Variants in TAOK2 observed in about 807,000 individuals in gnomAD.
TAOK2 encodes the protein serine/threonine-protein kinase TAO2.
In TAOK2, 42 loss-of-function variants were observed where a neutral mutation model predicts 122.5. The observed-to-expected ratio is 0.34, with a 90% confidence interval of 0.27 to 0.44. The LOEUF (loss-of-function observed/expected upper bound fraction) is 0.44, where lower values mean the gene tolerates loss of function less well. TAOK2 is among the 20% of genes least tolerant of loss of function. The pLI is 1.00. For synonymous variants in TAOK2, 704 were observed against 677.6 expected (o/e 1.04, Z -0.61); for missense variants, 1,264 against 1,644.9 (o/e 0.77, Z 4.01).
intron 8 of TAOK2, chr16:29,980,546 C>T (rs1460890355): frequency 6.6e-6 from 1 of 152,242 alleles, no homozygotes; most frequent in East Asian, 1.9e-4. Flanking sequence ...GCTCCACCCT[C>T]TGAGTGTGTC....
Position 29,987,168 on chromosome 16 carries a change from C to G in TAOK2, c.2896C>G (p.Leu966Val). Reference sequence around the variant, plus strand: ...TGCAGTGGGGTCCTCCTCTGGCCTCCTGCCCCTCCTGCTGCTGCTGCTGCT... The same window carrying G: ...TGCAGTGGGGTCCTCCTCTGGCCTCGTGCCCCTCCTGCTGCTGCTGCTGCT... ...SFAVGSSSGL[L>V]PLLLLLLLPL... Residue 966 changes from leucine to valine, a missense_variant, in exon 16 of 16, where the codon CTG (leucine) becomes GTG (valine). This residue lies in a region of TAOK2 where 824 missense variants were observed against 908.7 expected (regional missense o/e 0.91). Coordinates refer to ENST00000308893, the MANE Select transcript of TAOK2 (RefSeq NM_016151.4). 6.4e-7 allele frequency: 1 copy of G among 1,563,500 alleles called. No homozygotes were observed. The highest frequency in any genetic ancestry group is 8.6e-7 in the Non-Finnish European group (1 of 1,159,940).
chr16:29,989,589 A>G (rs768994158), downstream of TAOK2: 3 of 1,613,788 alleles, frequency 1.9e-6, no homozygotes, highest in Non-Finnish European at 2.5e-6. Flanking sequence ...CGTCCACTGC[A>G]TAGTCTAAGG....
chr16:29,991,177 TG>T, downstream of TAOK2: 1 of 1,611,318 alleles, frequency 6.2e-7, no homozygotes. This position sits in a 1 kb window ranked among gnomAD's most constrained non-coding sequence, Gnocchi z 5.6. Context: ...AGCATGGCTC[TG>T]GGGGGCATCC....
At chr16:29,977,320 C>G (rs779743013) in intron 1 of TAOK2, among the ~76,000 whole-genome samples, 1 of 152,104 alleles carries the variant, frequency 6.6e-6, no homozygotes, top group Non-Finnish European at 1.5e-5. Flanking sequence ...GGCCTCAGCG[C>G]CAAGGGGAAC....
chr16:29,986,576 C>T lies in TAOK2; in HGVS notation c.2304C>T (p.Gly768=), dbSNP rs762567621. The change falls in exon 16 of 16, where the codon GGC becomes GGT. Residue 768 remains glycine (G), a synonymous_variant. Coordinates refer to ENST00000308893, the MANE Select transcript of TAOK2 (RefSeq NM_016151.4). This position sits in a 1 kb window ranked among gnomAD's most constrained non-coding sequence, Gnocchi z 4.2. ...GGGCTCTGGGCCCACCCAACACAGG[C>T]ACCCCTATAGAACAGCAGCCCTGCT... ...IPGALGPPNT[G]TPIEQQPCSP... is the part of the protein sequence containing the mutation. 8.1e-6 allele frequency: 13 copies of T among 1,613,788 alleles called. No homozygotes were observed. In the African/African-American group the frequency reaches 1.5e-4, roughly 18 times the overall value.
chr16:29,987,004 T>A lies in TAOK2; in HGVS notation c.2732T>A (p.Ile911Asn), dbSNP rs909457929. The change falls in exon 16 of 16, where the codon ATT (isoleucine) becomes AAT (asparagine). Residue 911 changes from isoleucine (I) to asparagine (N), a missense_variant. By Grantham distance (149) the Ile-to-Asn change is moderately radical (BLOSUM62 -3). Transcript: ENST00000308893. ...GAAGAAGAGGAAGAGGGGGCTCCGA[T>A]TGGGACCCCTAGGGATCCTGGAGAT... ...EEEEEEEGAP[I>N]GTPRDPGDGC... 1.2e-6 allele frequency: 2 copies of A among 1,612,936 alleles called. No homozygotes were observed. Among genetic ancestry groups the A allele is most frequent in the Non-Finnish European group, 8.5e-7 (1 of 1,179,266 alleles).
chr16:29,975,043 C>T (rs1462650860), intron 1 of TAOK2, among the ~76,000 whole-genome samples: 2 of 152,140 alleles, frequency 1.3e-5, no homozygotes, highest in Non-Finnish European at 2.9e-5. Context: ...CATGGTGGGT[C>T]TGCTTATCTG....
At chr16:29,991,776 G>GGCGGGGCT, downstream of TAOK2, 1 of 520,366 alleles carries the variant, frequency 1.9e-6, no homozygotes, top group Non-Finnish European at 3.1e-6. This position sits in a 1 kb window ranked among gnomAD's most constrained non-coding sequence, Gnocchi z 5.6. Context: ...CTGCCTGGGA[G>GGCGGGGCT]CCCCGCCTCC....
intron 8 of TAOK2, chr16:29,980,481 TCCTCCCACCAAC>T (rs2069579816): frequency 1.3e-5 from 2 of 152,206 alleles, no homozygotes; most frequent in Non-Finnish European, 2.9e-5. Context: ...TCCCCATCCT[TCCTCCCACCAAC>T]CTAGAGGCTT....
At chr16:29,982,687 G>A (rs567032240) in intron 10 of TAOK2, 47 bp from the exon 11 acceptor site, 2 of 1,585,780 alleles carry the variant, frequency 1.3e-6, no homozygotes, top group Non-Finnish European at 1.7e-6. Flanking sequence ...TGTGGGTTGT[G>A]GGGGGAAGGG....
At position 29,986,898 on chromosome 16, in the gene TAOK2, G is replaced by C; in HGVS notation, c.2626G>C (p.Glu876Gln). 6.2e-7 allele frequency: 1 copy of C among 1,613,670 alleles called. No individual in the cohort carries two copies. The highest frequency in any genetic ancestry group is 8.5e-7 in the Non-Finnish European group (1 of 1,179,612). Residue 876 changes from glutamate to glutamine, a missense_variant, in exon 16 of 16, where the codon GAG becomes CAG. By Grantham distance (29) the Glu-to-Gln change is conservative. Transcript: ENST00000308893. This position sits in a 1 kb window ranked among gnomAD's most constrained non-coding sequence, Gnocchi z 4.2. ...EAGTWSLWGKEDESLLDEEFE... is the reference protein window; with the variant it reads ...EAGTWSLWGKQDESLLDEEFE... ...TGGGACATGGAGCTTGTGGGGGAAG[G>C]AGGATGAGAGTCTTCTGGATGAGGA...
chr16:29,987,348 C>G lies in TAOK2; in HGVS notation c.3076C>G (p.Leu1026Val), dbSNP rs774378915. 6.6e-5 allele frequency: 104 copies of G among 1,569,380 alleles called. No individual in the cohort carries two copies. Among genetic ancestry groups the G allele is most frequent in the Non-Finnish European group, 8.0e-5 (93 of 1,157,986 alleles). Reference protein sequence around the residue: ...LFLLLAQGTALGAVLGLSWRR... With the variant: ...LFLLLAQGTAVGAVLGLSWRR... ...CCTACTCCTGGCCCAGGGTACCGCACTGGGGGCCGTCCTGGGCCTGAGCTG... is the reference window on the plus strand; with the variant it reads ...CCTACTCCTGGCCCAGGGTACCGCAGTGGGGGCCGTCCTGGGCCTGAGCTG... The change falls in exon 16 of 16, where the codon CTG (leucine) becomes GTG (valine). Residue 1026 changes from leucine to valine, a missense_variant. Coordinates refer to ENST00000308893, the MANE Select transcript of TAOK2 (RefSeq NM_016151.4).
Position 29,985,652 on chromosome 16 carries a change from G to T in TAOK2, c.1789-6G>T. ...CCTGACCCTGCTTCCCTCTGCACTC[G>T]CCCAGGAGCTCCAGGAGAACCCCAG... On this transcript the variant is annotated splice_region_variant and splice_polypyrimidine_tract_variant and intron_variant, in intron 14 of 15. Transcript: ENST00000308893. The surrounding 1 kb of genome is among the most constrained non-coding windows in gnomAD (Gnocchi z 6.9). 2 of 1,610,844 alleles carry T rather than the reference G, an allele frequency of 1.2e-6. No homozygotes were observed. Among genetic ancestry groups the T allele is most frequent in the Non-Finnish European group, 1.7e-6 (2 of 1,178,638 alleles).
At position 29,987,062 on chromosome 16, in the gene TAOK2, C is replaced by T; in HGVS notation, c.2790C>T (p.Pro930=). ...CTTCCCCCGACATCCCTCCTGAACC[C>T]CCTCCAACACACCTGAGGCCCTGCC... ...GCPSPDIPPE[P]PPTHLRPCPA... The change falls in exon 16 of 16, where the codon CCC becomes CCT. Residue 930 remains proline, a synonymous_variant. Coordinates refer to ENST00000308893, the MANE Select transcript of TAOK2 (RefSeq NM_016151.4). The T allele has an allele frequency of 3.1e-6, 5 of 1,613,606 alleles. No individual in the cohort carries two copies. The highest frequency in any genetic ancestry group is 4.2e-6 in the Non-Finnish European group (5 of 1,179,636).
intron 1 of TAOK2, among the ~76,000 whole-genome samples, 197 bp downstream of exon 1, chr16:29,974,845 G>A (rs917430521): frequency 3.3e-5 from 5 of 152,090 alleles, no homozygotes; most frequent in Admixed American, 3.3e-4. Context: ...TGTCTGGTTG[G>A]TGGGGGACCT....
chr16:29,987,759 C>G lies in TAOK2; in HGVS notation c.3487C>G (p.Arg1163Gly). The part of the protein sequence containing the change: ...LCKGWNWRLA[R>G]ASQGLASHLP... The stretch of plus-strand genomic sequence containing the variant: ...CAAGGGCTGGAACTGGCGTCTGGCA[C>G]GGGCCAGCCAGGGTTTAGCATCCCA... Residue 1163 changes from arginine (R) to glycine (G), a missense_variant, in exon 16 of 16, where the codon CGG becomes GGG. By Grantham distance (125) the Arg-to-Gly change is moderately radical (BLOSUM62 -2). Around this residue, in one of 4 missense-constraint regions of TAOK2, gnomAD observed 824 missense variants for 908.7 expected, o/e 0.91. Coordinates refer to ENST00000308893, the MANE Select transcript of TAOK2 (RefSeq NM_016151.4). 1.2e-6 allele frequency: 2 copies of G among 1,614,040 alleles called. No individual in the cohort carries two copies. Among genetic ancestry groups the G allele is most frequent in the Non-Finnish European group, 1.7e-6 (2 of 1,179,952 alleles).
rs1407464352 is a variant in TAOK2, at chr16:29,979,520, C to T, written c.655+12C>T. On this transcript the variant is annotated intron_variant, in intron 8 of 15. Transcript: ENST00000308893. This position sits in a 1 kb window ranked among gnomAD's most constrained non-coding sequence, Gnocchi z 4.1. ...CTGCATCGAGCTGGGTAAGAACATC[C>T]TCCCTGTTCCCTCATCATCTTTTCC... 2.7e-6 allele frequency: 4 copies of T among 1,508,408 alleles called. No homozygotes were observed. The highest frequency in any genetic ancestry group is 3.6e-6 in the Non-Finnish European group (4 of 1,126,666). 93.4% of individuals were successfully genotyped at this position (1,508,408 alleles called of 1,614,324 possible). A position where few individuals can be genotyped will look rare whatever the true frequency, so the allele number is the denominator to read the frequency against.
chr16:29,978,773 A>C (rs1350844504), intron 4 of TAOK2, 26 bp from the exon 5 acceptor site: 6 of 1,613,794 alleles, frequency 3.7e-6, no homozygotes, highest in Non-Finnish European at 5.1e-6. Flanking sequence ...GGAGACTCTG[A>C]TCTCTGACCC....
chr16:29,978,238 C>A lies in TAOK2; in HGVS notation c.205-14C>A, dbSNP rs772072554. On this transcript the variant is annotated splice_polypyrimidine_tract_variant and intron_variant, in intron 3 of 15. Coordinates refer to ENST00000308893, the MANE Select transcript of TAOK2 (RefSeq NM_016151.4). ...ATGCAAGCTGGGTAACCTCTGCCTA[C>A]CCTGACCCCCTAGAAATGGCAAGAC... 2 of 1,613,994 alleles carry A rather than the reference C, an allele frequency of 1.2e-6. No homozygotes were observed. Among genetic ancestry groups the A allele is most frequent in the Middle Eastern group, 1.6e-4 (1 of 6,062 alleles).
Sources: gnomAD v4.1 joint callset for allele counts (sites outside exome capture counted in the v4.1 genomes callset) on GRCh38, gnomAD v4.1.1 for gene constraint, gnomAD v4.1.1 regional missense constraint, Gnocchi (gnomAD v3.1) non-coding constraint, MANE v1.5 for transcripts, NCBI Gene and HGNC (gene_info 2026-07-23, HGNC 2026-07-21) for gene names.